Variants in DOCK9 observed in about 807,000 individuals in gnomAD.
DOCK9 encodes dedicator of cytokinesis 9, also known as dedicator of cytokinesis protein 9.
Under a neutral mutation model 263.3 loss-of-function variants are expected in DOCK9, and 89 were observed. That is an observed-to-expected ratio of 0.34 (90% CI 0.28 to 0.40). DOCK9 has a LOEUF of 0.40. DOCK9 is among the 10% of genes least tolerant of loss of function. The pLI, the probability that DOCK9 is intolerant of heterozygous loss-of-function variation, is 1.00. For synonymous variants in DOCK9, 976 were observed against 973.1 expected (o/e 1.00, Z -0.06); for missense variants, 2,140 against 2,603.4 (o/e 0.82, Z 3.87).
intron 27 of DOCK9, among the ~76,000 whole-genome samples, chr13:98,874,773 A>C (rs1571435): frequency 0.17 from 25,596 of 152,130 alleles, 2,297 homozygotes; most frequent in African/African-American, 0.22. Context: ...AAAAGTTTCC[A>C]AGCCACTCTG....
chr13:98,794,726 GTCT>G lies in DOCK9; in HGVS notation c.6176_6178del (p.Lys2059del). Reference sequence around the variant, plus strand: ...GTGAAGGGAATTCGGTAAGACGCTCGTCTTCTCCTCCAGGGGGCAGATCTTGAG... The same window carrying G: ...GTGAAGGGAATTCGGTAAGACGCTCGTCTCCTCCAGGGGGCAGATCTTGAG... On this transcript the variant is annotated inframe_deletion, in exon 53 of 53. Transcript: ENST00000682017. 1 of 1,613,956 alleles carries G rather than the reference GTCT, an allele frequency of 6.2e-7. No individual in the cohort carries two copies. Among genetic ancestry groups the G allele is most frequent in the South Asian group, 1.1e-5 (1 of 91,058 alleles).
At chr13:98,895,737 T>C (rs2047334650) in intron 15 of DOCK9, among the ~76,000 whole-genome samples, 1 of 152,232 alleles carries the variant, frequency 6.6e-6, no homozygotes, top group African/African-American at 2.4e-5. Context: ...TTTCATCCTT[T>C]TATTCTTCTG....
In DOCK9 at chr13:99,038,260, T is replaced by C. The variant is rs181018317; in HGVS notation, c.129+47963A>G. 1.4e-3 allele frequency among the ~76,000 whole-genome samples: 212 copies of C among 150,072 alleles called. 1 individual carries two copies. The highest frequency in any genetic ancestry group is 5.1e-3 in the African/African-American group (207 of 40,882). ...TTTATAATTAACCGGAAATAACTAT[T>C]AAGCTGAAAAACTGGCTTTATGCCC... On this transcript the variant is annotated intron_variant, in intron 1 of 32. Coordinates refer to the DOCK9 transcript ENST00000427887.
intron 33 of DOCK9, chr13:98,860,161 C>G: frequency 7.5e-7 from 1 of 1,330,702 alleles, no homozygotes; most frequent in Non-Finnish European, 9.6e-7. Flanking sequence ...GAACAAAAAG[C>G]AAACAGCGTG....
intron 45 of DOCK9, among the ~76,000 whole-genome samples, chr13:98,821,583 A>G (rs572144050): frequency 1.3e-5 from 2 of 152,170 alleles, no homozygotes; most frequent in Non-Finnish European, 2.9e-5. Context: ...TCAGAACTAC[A>G]TGGGCCATGG....
At chr13:98,966,314 G>A (rs2059189941) in intron 1 of DOCK9, among the ~76,000 whole-genome samples, 2 of 152,234 alleles carry the variant, frequency 1.3e-5, no homozygotes, top group South Asian at 2.1e-4. Context: ...AAGGGTAAAA[G>A]GGGAACACAG....
chr13:99,029,615 A>C (rs1467563134), intron 1 of DOCK9, among the ~76,000 whole-genome samples: 1 of 152,264 alleles, frequency 6.6e-6, no homozygotes, highest in African/African-American at 2.4e-5. Context: ...AATGCAAATT[A>C]AAACTACAAG....
chr13:98,834,912 ATCTG>A (rs1426232948), intron 39 of DOCK9, among the ~76,000 whole-genome samples: 1 of 152,158 alleles, frequency 6.6e-6, no homozygotes, highest in Non-Finnish European at 1.5e-5. Flanking sequence ...ACTCACACAC[ATCTG>A]TCTTAGTGGT....
chr13:98,798,113 G>T (rs2089658183), intron 50 of DOCK9, among the ~76,000 whole-genome samples: 1 of 152,202 alleles, frequency 6.6e-6, no homozygotes, highest in Admixed American at 6.5e-5. Flanking sequence ...GCTAAGAAGG[G>T]TCTGCTGATT....
At chr13:98,866,282 C>T (rs1278565828) in intron 30 of DOCK9, among the ~76,000 whole-genome samples, 2 of 152,146 alleles carry the variant, frequency 1.3e-5, no homozygotes, top group African/African-American at 2.4e-5. Flanking sequence ...CCAGGTTGTA[C>T]ACAACTTATT....
intron 1 of DOCK9, among the ~76,000 whole-genome samples, chr13:99,016,826 T>C (rs118099603): frequency 0.013 from 2,034 of 152,346 alleles, 35 homozygotes; most frequent in South Asian, 0.056. Flanking sequence ...TTATTCCTTA[T>C]TTCACAAGGC....
intron 1 of DOCK9, among the ~76,000 whole-genome samples, chr13:98,969,975 C>G (rs773965083): frequency 1.3e-4 from 20 of 152,186 alleles, no homozygotes; most frequent in Non-Finnish European, 2.4e-4. Flanking sequence ...TAATTAACAA[C>G]TATATCTGTT....
At chr13:98,884,942 G>C (rs1355311899) in intron 21 of DOCK9, 29 bp downstream of exon 21, 9 of 1,601,240 alleles carry the variant, frequency 5.6e-6, no homozygotes, top group Middle Eastern at 1.7e-4. Context: ...GAAGAAATTG[G>C]GATGACCCAA....
intron 39 of DOCK9, chr13:98,833,093 C>T (rs538079369): frequency 4.0e-5 from 6 of 151,154 alleles, no homozygotes; most frequent in South Asian, 4.2e-4. Flanking sequence ...TATTGAATTC[C>T]GTCATGTGAA....
Position 98,805,089 on chromosome 13 carries a change from G to A in DOCK9, c.5635C>T (p.Arg1879Cys), listed in dbSNP as rs768262480. The change falls in exon 49 of 53, where the codon CGC (arginine) becomes TGC (cysteine). Residue 1879 changes from arginine to cysteine, a missense_variant. Physicochemically the swap from Arg to Cys is radical, Grantham distance 180 (BLOSUM62 -3). This residue lies in a region of DOCK9 where 619 missense variants were observed against 861.8 expected (regional missense o/e 0.72). Transcript: ENST00000682017. ...KTEFERSHNIRRFMFEMPFTQ... is the reference protein window; with the variant it reads ...KTEFERSHNICRFMFEMPFTQ... ...AATGGCATCTCAAACATGAAGCGGCGGATGTTGTGGGATCTCTCAAACTCT... is the reference window on the plus strand; with the variant it reads ...AATGGCATCTCAAACATGAAGCGGCAGATGTTGTGGGATCTCTCAAACTCT... 18 of 1,611,432 alleles carry A rather than the reference G, an allele frequency of 1.1e-5. No individual in the cohort carries two copies. The highest frequency in any genetic ancestry group is 2.2e-5 in the South Asian group (2 of 90,396).
chr13:98,976,017 C>G (rs1342256074), intron 1 of DOCK9, among the ~76,000 whole-genome samples: 1 of 152,258 alleles, frequency 6.6e-6, no homozygotes, highest in African/African-American at 2.4e-5. Flanking sequence ...GAGATCTGCC[C>G]TCGGCAAAGG....
intron 15 of DOCK9, among the ~76,000 whole-genome samples, chr13:98,893,907 T>C (rs1339445340): frequency 6.6e-6 from 1 of 152,222 alleles, no homozygotes; most frequent in African/African-American, 2.4e-5. Context: ...GCTGTCACCA[T>C]CGGATCCCTG....
intron 1 of DOCK9, among the ~76,000 whole-genome samples, chr13:98,968,657 G>T (rs1404715394): frequency 6.6e-6 from 1 of 152,148 alleles, no homozygotes; most frequent in African/African-American, 2.4e-5. Flanking sequence ...TATGGCTCAT[G>T]TTATATTTCT....
intron 7 of DOCK9, among the ~76,000 whole-genome samples, chr13:98,920,591 A>G (rs1373570613): frequency 6.6e-6 from 1 of 152,236 alleles, no homozygotes; most frequent in Non-Finnish European, 1.5e-5. Flanking sequence ...TAGCGATAAA[A>G]ATCACCACTG....
Sources: gnomAD v4.1 joint callset for allele counts (sites outside exome capture counted in the v4.1 genomes callset) on GRCh38, gnomAD v4.1.1 for gene constraint, gnomAD v4.1.1 regional missense constraint, MANE v1.5 for transcripts, NCBI Gene and HGNC (gene_info 2026-07-23, HGNC 2026-07-21) for gene names.